PLPP4: variants seen among roughly 807,000 people sequenced by gnomAD.
PLPP4 encodes the protein diacylglycerol pyrophosphate like 2.
Under a neutral mutation model 32.2 loss-of-function variants are expected in PLPP4, and 20 were observed. That is an observed-to-expected ratio of 0.62 (90% confidence interval 0.44 to 0.90). The LOEUF (loss-of-function observed/expected upper bound fraction) is 0.90. Ranked by LOEUF, PLPP4 falls within the 40% of genes least tolerant of loss-of-function variation. The pLI is 0.00. For missense variants in PLPP4, 257 were observed against 353.1 expected, an observed-to-expected ratio of 0.73 and a Z score of 2.18; for synonymous variants, 127 against 133.0, an observed-to-expected ratio of 0.95 and a Z score of 0.31.
At chr10:120,556,432 T>A (rs1848168730) in intron 5 of PLPP4, among the ~76,000 whole-genome samples, 1 of 152,252 alleles carries the variant, frequency 6.6e-6, no homozygotes. Context: ...GGCCCACATG[T>A]CTGTTTGTGA....
chr10:120,460,139 A>G (rs952179316), intron 1 of PLPP4, among the ~76,000 whole-genome samples: 4 of 152,224 alleles, frequency 2.6e-5, no homozygotes, highest in African/African-American at 9.6e-5. Flanking sequence ...AAAGTTTAAC[A>G]TAACAGAAGA....
intron 5 of PLPP4, among the ~76,000 whole-genome samples, chr10:120,544,453 CT>C (rs1309857330): frequency 6.6e-6 from 1 of 152,216 alleles, no homozygotes; most frequent in African/African-American, 2.4e-5. Flanking sequence ...AAGCTCCTCA[CT>C]GCCCTTCCTG....
intron 5 of PLPP4, among the ~76,000 whole-genome samples, chr10:120,542,072 AGGCCTCTGGAGGT>A (rs1185233400): frequency 6.6e-6 from 1 of 152,240 alleles, no homozygotes; most frequent in Non-Finnish European, 1.5e-5. Context: ...CCCTTGAGTT[AGGCCTCTGGAGGT>A]GGCCACATGT....
At chr10:120,581,155 C>G (rs186867111) in intron 6 of PLPP4, 1 of 985,430 alleles carries the variant, frequency 1.0e-6, no homozygotes, top group African/African-American at 1.7e-5. Flanking sequence ...CAGGATAGCC[C>G]TGGTGTTTCC....
At chr10:120,583,837 G>A (rs1309305329) in intron 6 of PLPP4, among the ~76,000 whole-genome samples, 1 of 152,192 alleles carries the variant, frequency 6.6e-6, no homozygotes, top group East Asian at 1.9e-4. Context: ...AGAGTCCTAG[G>A]TAATGACATG....
chr10:120,552,834 A>G (rs950534020), intron 5 of PLPP4, among the ~76,000 whole-genome samples: 3 of 152,156 alleles, frequency 2.0e-5, no homozygotes, highest in Non-Finnish European at 2.9e-5. Flanking sequence ...GATTTACACA[A>G]CTCTTCAAAG....
intron 5 of PLPP4, among the ~76,000 whole-genome samples, chr10:120,537,124 A>G (rs181379006): frequency 4.3e-4 from 65 of 152,324 alleles, no homozygotes; most frequent in African/African-American, 1.4e-3. Context: ...TATGAAAAAG[A>G]GCATAGAGCT....
intron 2 of PLPP4, among the ~76,000 whole-genome samples, chr10:120,505,902 A>G (rs997350798): frequency 2.6e-5 from 4 of 152,208 alleles, no homozygotes; most frequent in Non-Finnish European, 5.9e-5. Context: ...ATTTTTCATA[A>G]CATTTTACAT....
chr10:120,537,868 T>G (rs1847102515), intron 5 of PLPP4, among the ~76,000 whole-genome samples: 1 of 151,810 alleles, frequency 6.6e-6, no homozygotes, highest in South Asian at 2.1e-4. Context: ...CTAAATACCA[T>G]GAGCGAGCAC....
chr10:120,578,257 A>G (rs905633377), intron 6 of PLPP4, among the ~76,000 whole-genome samples: 5 of 152,200 alleles, frequency 3.3e-5, no homozygotes, highest in African/African-American at 4.8e-5. Flanking sequence ...TCCCACTGGG[A>G]GGAGGGATGC....
At chr10:120,470,223 G>T (rs568053014) in intron 1 of PLPP4, among the ~76,000 whole-genome samples, 1 of 152,176 alleles carries the variant, frequency 6.6e-6, no homozygotes, top group Non-Finnish European at 1.5e-5. Context: ...TTTCACAAGC[G>T]TATTGGCAAT....
At chr10:120,503,605 G>A (rs763760018) in intron 1 of PLPP4, 1 of 1,610,076 alleles carries the variant, frequency 6.2e-7, no homozygotes, top group South Asian at 1.1e-5. Flanking sequence ...CTTCTGGCAG[G>A]TAGTGATGGA....
intron 1 of PLPP4, among the ~76,000 whole-genome samples, chr10:120,476,685 T>A (rs1770471501): frequency 6.6e-6 from 1 of 152,186 alleles, no homozygotes. Flanking sequence ...CCAGAATGTG[T>A]GGGACTAAAT....
chr10:120,505,330 A>G (rs907965103), intron 2 of PLPP4, among the ~76,000 whole-genome samples: 2 of 152,198 alleles, frequency 1.3e-5, no homozygotes, highest in African/African-American at 2.4e-5. Flanking sequence ...GAATTGGAGG[A>G]TTACCATCAA....
chr10:120,482,403 A>G (rs968463562), intron 1 of PLPP4, among the ~76,000 whole-genome samples: 2 of 152,216 alleles, frequency 1.3e-5, no homozygotes, highest in African/African-American at 4.8e-5. Context: ...ATATTTTAGC[A>G]AAGAGACTGG....
Position 120,486,256 on chromosome 10 carries a change from ATTTAAGT to A in PLPP4, c.57-17558_57-17552del, listed in dbSNP as rs1329863146. ...CTGTGAGAGGCTTTCCTCCCATTTC[ATTTAAGT>A]TTTTTTTTTTTTCCTCCTCAAATGC... is the stretch of plus-strand genomic sequence containing the variant. On this transcript the variant is annotated intron_variant, in intron 1 of 6. Coordinates refer to ENST00000398250, the MANE Select transcript of PLPP4 (RefSeq NM_001030059.3). 2.0e-3 allele frequency among the ~76,000 whole-genome samples: 291 copies of A among 149,044 alleles called. 1 individual carries two copies. The highest frequency in any genetic ancestry group is 3.4e-3 in the Admixed American group (51 of 15,064).
At chr10:120,530,024 C>G (rs1846627072) in intron 5 of PLPP4, among the ~76,000 whole-genome samples, 1 of 152,204 alleles carries the variant, frequency 6.6e-6, no homozygotes, top group Non-Finnish European at 1.5e-5. Flanking sequence ...ATATGAAAGA[C>G]AGCAATGTCT....
intron 2 of PLPP4, among the ~76,000 whole-genome samples, chr10:120,513,542 GA>G (rs1201382331): frequency 1.3e-5 from 2 of 152,216 alleles, no homozygotes; most frequent in African/African-American, 4.8e-5. Context: ...TGTTTCCAGA[GA>G]GATAGGAGTT....
In PLPP4 at chr10:120,575,279, C is replaced by T. The variant is rs199761796; in HGVS notation, c.594C>T (p.Cys198=). ...TGATGATTGCCCTGTCCCGCATGTG[C>T]GACTACAAGCATCACTGGCAAGGTG... ...CAMMIALSRM[C]DYKHHWQDSF... Residue 198 remains cysteine (C), a synonymous_variant, in exon 6 of 7, where the codon TGC becomes TGT. Transcript: ENST00000398250. 64 of 1,613,704 alleles carry T rather than the reference C, an allele frequency of 4.0e-5. No homozygotes were observed. The highest frequency in any genetic ancestry group is 5.5e-5 in the South Asian group (5 of 91,062).
Sources: gnomAD v4.1 joint callset for allele counts (sites outside exome capture counted in the v4.1 genomes callset) on GRCh38, gnomAD v4.1.1 for gene constraint, MANE v1.5 for transcripts, NCBI Gene and HGNC (gene_info 2026-07-23, HGNC 2026-07-21) for gene names.